Variants in XRCC4 observed in about 807,000 individuals in gnomAD.
XRCC4 encodes X-ray repair cross complementing 4.
In XRCC4, 28 loss-of-function variants were observed where a neutral mutation model predicts 39.1. That is an observed-to-expected ratio of 0.72 (90% confidence interval 0.53 to 0.98). XRCC4 has a LOEUF of 0.98. Ranked by LOEUF, XRCC4 falls within the 50% of genes least tolerant of loss-of-function variation. XRCC4 has a pLI of 0.00. For synonymous variants in XRCC4, 123 were observed against 126.4 expected (o/e 0.97, Z 0.18); for missense variants, 350 against 376.4 (o/e 0.93, Z 0.58).
At chr5:83,176,253 TAAAG>T in intron 3 of XRCC4, among the ~76,000 whole-genome samples, 1 of 152,162 alleles carries the variant, frequency 6.6e-6, no homozygotes, top group Non-Finnish European at 1.5e-5. Flanking sequence ...GATATGCTGA[TAAAG>T]AAGTTAAATA....
At chr5:83,371,718 T>C in the XRCC4 span, among the ~76,000 whole-genome samples, 2 of 152,124 alleles carry the variant, frequency 1.3e-5, no homozygotes, top group African/African-American at 4.8e-5. Flanking sequence ...CTTAAAAAGT[T>C]GTGCCATGAT....
intron 3 of XRCC4, among the ~76,000 whole-genome samples, chr5:83,193,133 G>C (rs2112691711): frequency 6.6e-6 from 1 of 152,172 alleles, no homozygotes; most frequent in South Asian, 2.1e-4. Flanking sequence ...GGCCCTTTTT[G>C]AAGTCCAGTG....
intron 7 of XRCC4, among the ~76,000 whole-genome samples, chr5:83,290,491 A>G (rs1335369685): frequency 6.6e-6 from 1 of 151,532 alleles, no homozygotes; most frequent in Non-Finnish European, 1.5e-5. Flanking sequence ...GCACTATGTG[A>G]TTTGTAAAGA....
Position 83,303,067 on chromosome 5 carries a change from GC to G in XRCC4, c.893+44391del, listed in dbSNP as rs1755347736. 2.0e-5 allele frequency among the ~76,000 whole-genome samples: 3 copies of G among 152,122 alleles called. No individual in the cohort carries two copies. In the South Asian group the frequency reaches 6.2e-4, roughly 31 times the overall value. On this transcript the variant is annotated intron_variant, in intron 7 of 7. Transcript: ENST00000396027. The stretch of plus-strand genomic sequence containing the variant: ...GTCTCTGCTGAAAATACAAAAATCA[GC>G]TGGGTGTGGTGGCACAAGCCTGTAG...
At chr5:83,212,141 T>C (rs2112757944) in intron 6 of XRCC4, among the ~76,000 whole-genome samples, 1 of 152,198 alleles carries the variant, frequency 6.6e-6, no homozygotes, top group African/African-American at 2.4e-5. Context: ...TGTATGTGTG[T>C]ATATATACAC....
chr5:83,105,869 T>A (rs1207333444), intron 2 of XRCC4, among the ~76,000 whole-genome samples: 1 of 152,166 alleles, frequency 6.6e-6, no homozygotes, highest in Non-Finnish European at 1.5e-5. Flanking sequence ...GAAATATTTC[T>A]CTAGAATTTG....
Position 83,138,613 on chromosome 5 carries a change from G to A in XRCC4, c.315+27410G>A, listed in dbSNP as rs74809155. 5.5e-3 allele frequency among the ~76,000 whole-genome samples: 835 copies of A among 151,968 alleles called. 4 individuals carry two copies. Among genetic ancestry groups the A allele is most frequent in the Non-Finnish European group, 9.2e-3 (624 of 67,940 alleles). ...CACACTTTGCTAGTATACTTTATAA[G>A]TATACTTTAATTAATGCATATTATG... On this transcript the variant is annotated intron_variant, in intron 3 of 7. Transcript: ENST00000396027.
chr5:83,215,113 A>T (rs1208850764), intron 6 of XRCC4, among the ~76,000 whole-genome samples: 1 of 152,074 alleles, frequency 6.6e-6, no homozygotes, highest in Non-Finnish European at 1.5e-5. Context: ...ATGCGGGCAG[A>T]TCATTTGAGC....
intron 7 of XRCC4, among the ~76,000 whole-genome samples, chr5:83,342,205 CAGCT>C (rs1288519386): frequency 6.6e-6 from 1 of 152,108 alleles, no homozygotes; most frequent in African/African-American, 2.4e-5. Flanking sequence ...GAATAAAGTA[CAGCT>C]AGAGTAACAA....
At chr5:83,371,608 G>A in the XRCC4 span, among the ~76,000 whole-genome samples, 4 of 152,194 alleles carry the variant, frequency 2.6e-5, no homozygotes, top group Non-Finnish European at 5.9e-5. Flanking sequence ...ACCACAGCAG[G>A]AGCACTTTCA....
intron 1 of XRCC4, among the ~76,000 whole-genome samples, chr5:83,080,408 C>G (rs2112271418): frequency 6.6e-6 from 1 of 152,178 alleles, no homozygotes; most frequent in African/African-American, 2.4e-5. Flanking sequence ...TGCCTGTAGT[C>G]CCAGCTAGTC....
rs542000271 is a variant in XRCC4 at position 83,194,417 on chromosome 5, A to G, written c.316-1353A>G. 3.3e-5 allele frequency among the ~76,000 whole-genome samples: 5 copies of G among 152,356 alleles called. No individual in the cohort carries two copies. The South Asian group carries it at 8.3e-4, about 25-fold the overall frequency. Reference sequence around the variant, plus strand: ...TATTTCATTGCATGAGAAAACTGCAATTGCTTTTTCAAACTGTACGAATGC... The same window carrying G: ...TATTTCATTGCATGAGAAAACTGCAGTTGCTTTTTCAAACTGTACGAATGC... On this transcript the variant is annotated intron_variant, in intron 3 of 7. Transcript: ENST00000396027.
intron 7 of XRCC4, among the ~76,000 whole-genome samples, chr5:83,289,556 T>C (rs186721871): frequency 6.6e-6 from 1 of 151,892 alleles, no homozygotes; most frequent in African/African-American, 2.4e-5. Context: ...CTTCAGCTCT[T>C]TCAACTGCAG....
At chr5:83,188,903 C>A (rs1010632986) in intron 3 of XRCC4, among the ~76,000 whole-genome samples, 10 of 152,118 alleles carry the variant, frequency 6.6e-5, no homozygotes, top group Non-Finnish European at 1.2e-4. Flanking sequence ...GCCTAGAGAC[C>A]TGTGATGAGA....
chr5:83,082,712 C>G (rs1186454208), intron 1 of XRCC4, among the ~76,000 whole-genome samples: 2 of 150,638 alleles, frequency 1.3e-5, no homozygotes, highest in South Asian at 2.1e-4. Flanking sequence ...TGTAAACTTT[C>G]TTAAAACATT....
chr5:83,237,277 CTG>C (rs936172286), intron 6 of XRCC4, among the ~76,000 whole-genome samples: 33 of 152,234 alleles, frequency 2.2e-4, no homozygotes, highest in Middle Eastern at 3.4e-3. Context: ...TATTGCAACA[CTG>C]TTCACAATAG....
chr5:83,350,287 G>A (rs184164597), intron 7 of XRCC4, among the ~76,000 whole-genome samples: 29 of 152,126 alleles, frequency 1.9e-4, no homozygotes, highest in African/African-American at 4.6e-4. Flanking sequence ...GCCCAGTAAC[G>A]GGATTGCTGG....
At chr5:83,373,251 C>T in the XRCC4 span, among the ~76,000 whole-genome samples, 1 of 152,062 alleles carries the variant, frequency 6.6e-6, no homozygotes, top group African/African-American at 2.4e-5. Flanking sequence ...TCCCTGTGCA[C>T]CCTCATTTGT....
chr5:83,115,634 C>T lies in XRCC4; in HGVS notation c.315+4431C>T, dbSNP rs1240550218. Among the ~76,000 whole-genome samples the T allele has an allele frequency of 5.3e-5, 8 of 152,270 alleles. No individual in the cohort carries two copies. In the East Asian group the frequency reaches 1.5e-3, roughly 29 times the overall value. On this transcript the variant is annotated intron_variant, in intron 3 of 7. Transcript: ENST00000396027. Reference sequence around the variant, plus strand: ...ATCAACATCAAAGACTCATAATAATCCTGAAAGATTTTTGCTTACCACCCT... The same window carrying T: ...ATCAACATCAAAGACTCATAATAATTCTGAAAGATTTTTGCTTACCACCCT...
Sources: allele counts gnomAD v4.1 joint callset (sites outside exome capture counted in the v4.1 genomes callset), GRCh38; gene constraint gnomAD v4.1.1; transcripts MANE v1.5; gene names NCBI Gene and HGNC (gene_info 2026-07-23, HGNC 2026-07-21).